G2E3: variants seen among roughly 807,000 people sequenced by gnomAD.
The protein encoded by G2E3 is G2/M-phase specific E3 ubiquitin protein ligase.
In G2E3, 35 loss-of-function variants were observed where a neutral mutation model predicts 92.8. That is an observed-to-expected ratio of 0.38 (90% confidence interval 0.29 to 0.50). The LOEUF is 0.50. Among genes scored for constraint, G2E3 ranks in the 20% least tolerant of loss-of-function variants. The pLI is 0.94. For synonymous variants in G2E3, 242 were observed against 272.4 expected, an observed-to-expected ratio of 0.89 and a Z score of 1.10; for missense variants, 554 against 823.8, an observed-to-expected ratio of 0.67 and a Z score of 4.01.
At chr14:30,596,265 C>T (rs10142125) in intron 6 of G2E3, among the ~76,000 whole-genome samples, 5,565 of 151,960 alleles carry the variant, frequency 0.037, 323 homozygotes, top group African/African-American at 0.12. Flanking sequence ...TTAGTATATT[C>T]TGTGTATCCT....
In G2E3 at chr14:30,566,540, A is replaced by G. The variant is rs939798491; in HGVS notation, c.-5+7268A>G. Among the ~76,000 whole-genome samples, 4 of 152,164 alleles carry G rather than the reference A, an allele frequency of 2.6e-5. No homozygotes were observed. The South Asian group carries it at 6.2e-4, about 24-fold the overall frequency. On this transcript the variant is annotated intron_variant, in intron 1 of 14. Coordinates refer to ENST00000206595, the MANE Select transcript of G2E3 (RefSeq NM_017769.5). ...ACTTAATTTCCTTTTTGGATTGTTC[A>G]TTGTTATATAGAAATACAACTGATA...
chr14:30,600,102 T>C (rs1014025613), intron 8 of G2E3, among the ~76,000 whole-genome samples: 4 of 152,218 alleles, frequency 2.6e-5, no homozygotes, highest in African/African-American at 9.6e-5. Context: ...ATAGGAAATT[T>C]CAATAATTTG....
rs1174896208 is a variant in G2E3 at position 30,601,731 on chromosome 14, A to G, written c.753-39A>G. 3.1e-6 allele frequency: 5 copies of G among 1,611,388 alleles called. No individual in the cohort carries two copies. In the East Asian group the frequency reaches 1.1e-4, roughly 36 times the overall value. On this transcript the variant is annotated intron_variant, in intron 8 of 14. Transcript: ENST00000206595. ...ATTGCTAGTGGTTGAAACTAGAATA[A>G]TAACAAAATGTAAGTTCTGCTTTTC... is the stretch of plus-strand genomic sequence containing the variant.
chr14:30,576,925 C>T (rs1463754773), intron 1 of G2E3, among the ~76,000 whole-genome samples: 1 of 152,022 alleles, frequency 6.6e-6, no homozygotes, highest in Non-Finnish European at 1.5e-5. Context: ...AGATTAGGCA[C>T]TTTAGAAAAT....
chr14:30,606,917 G>C (rs1881856644), intron 11 of G2E3, among the ~76,000 whole-genome samples: 1 of 152,080 alleles, frequency 6.6e-6, no homozygotes, highest in African/African-American at 2.4e-5. Context: ...GTGCCTTTGG[G>C]AAAGATTATT....
At chr14:30,590,511 C>T (rs1880945548) in intron 4 of G2E3, 1 of 364,812 alleles carries the variant, frequency 2.7e-6, no homozygotes, top group African/African-American at 2.1e-5. Flanking sequence ...TGCCCCTGTC[C>T]ATGTCCCACC....
intron 2 of G2E3, among the ~76,000 whole-genome samples, chr14:30,583,735 A>C (rs992627537): frequency 6.6e-6 from 1 of 152,246 alleles, no homozygotes; most frequent in Non-Finnish European, 1.5e-5. Flanking sequence ...CAATATGTAC[A>C]TATATCAAAA....
intron 4 of G2E3, among the ~76,000 whole-genome samples, chr14:30,590,090 A>G (rs1280836839): frequency 6.6e-6 from 1 of 152,132 alleles, no homozygotes; most frequent in African/African-American, 2.4e-5. Flanking sequence ...TGCTGTATGC[A>G]GGGAAACGTC....
chr14:30,593,250 G>A (rs901160684), intron 5 of G2E3, among the ~76,000 whole-genome samples: 2 of 152,058 alleles, frequency 1.3e-5, no homozygotes, highest in Non-Finnish European at 2.9e-5. Flanking sequence ...CTGAAATTCT[G>A]TATAAGTAAG....
intron 6 of G2E3, among the ~76,000 whole-genome samples, chr14:30,596,760 T>C (rs530132811): frequency 6.6e-6 from 1 of 152,374 alleles, no homozygotes; most frequent in Admixed American, 6.5e-5. Flanking sequence ...TGTTTTTTGG[T>C]ACATAATACC....
Position 30,611,861 on chromosome 14 carries a change from A to C in G2E3, c.1501-346A>C, listed in dbSNP as rs948514943. The C allele has an allele frequency of 3.0e-5, 5 of 167,728 alleles. No individual in the cohort carries two copies. In the South Asian group the frequency reaches 7.3e-4, roughly 25 times the overall value. The allele number at this position is 167,728 out of a possible 1,614,324, so 10.4% of individuals were successfully genotyped here. A position where few individuals can be genotyped will look rare whatever the true frequency, so the allele number is the denominator to read the frequency against. ...TAGAGGGGGGCTAGCTGTGTTGCCCAGGATGTTCTTGAACTTCTGGCCTCA... is the reference window on the plus strand; with the variant it reads ...TAGAGGGGGGCTAGCTGTGTTGCCCCGGATGTTCTTGAACTTCTGGCCTCA... On this transcript the variant is annotated intron_variant, in intron 12 of 14. Coordinates refer to ENST00000206595, the MANE Select transcript of G2E3 (RefSeq NM_017769.5).
intron 12 of G2E3, among the ~76,000 whole-genome samples, chr14:30,610,249 TAA>T (rs1373053826): frequency 6.6e-6 from 1 of 152,144 alleles, no homozygotes; most frequent in East Asian, 1.9e-4. Context: ...GAATTTACAT[TAA>T]GAGAGAACAC....
intron 4 of G2E3, among the ~76,000 whole-genome samples, chr14:30,589,939 G>T (rs1414439325): frequency 4.6e-5 from 7 of 152,072 alleles, no homozygotes; most frequent in Non-Finnish European, 1.5e-5. Flanking sequence ...GGCAATTCAT[G>T]ATCTCCATAT....
Position 30,618,279 on chromosome 14 carries a change from A to G in G2E3, c.*1745A>G, listed in dbSNP as rs1481166093. On this transcript the variant is annotated 3_prime_UTR_variant, in exon 15 of 15. Transcript: ENST00000206595. ...CTCACCAATAGTAATTGAAAGATCA[A>G]TTATCAAAGAGTTTGAATAGCTAAT... The G allele has an allele frequency of 2.0e-5, 3 of 152,116 alleles. No individual in the cohort carries two copies. The highest frequency in any genetic ancestry group is 1.3e-4 in the Admixed American group (2 of 15,274). 9.4% of individuals were successfully genotyped at this position (152,116 alleles called of 1,614,324 possible).
At chr14:30,603,454 A>G (rs1881676266) in intron 10 of G2E3, among the ~76,000 whole-genome samples, 1 of 152,216 alleles carries the variant, frequency 6.6e-6, no homozygotes, top group Non-Finnish European at 1.5e-5. Flanking sequence ...TTAAGTTTAT[A>G]TAGATTTGCA....
intron 10 of G2E3, among the ~76,000 whole-genome samples, chr14:30,604,204 A>G (rs183237340): frequency 1.3e-5 from 2 of 152,210 alleles, no homozygotes; most frequent in Non-Finnish European, 2.9e-5. Context: ...AACCTGCTAT[A>G]AAAAAGGTAT....
chr14:30,610,886 A>G (rs1397042906), intron 12 of G2E3, among the ~76,000 whole-genome samples: 1 of 152,232 alleles, frequency 6.6e-6, no homozygotes, highest in Non-Finnish European at 1.5e-5. Flanking sequence ...CCCATTTGCT[A>G]CTGATCTGAC....
chr14:30,589,342 GTT>G (rs754920776), intron 3 of G2E3, 39 bp from the exon 4 acceptor site: 1 of 1,154,642 alleles, frequency 8.7e-7, no homozygotes, highest in Non-Finnish European at 1.3e-6. Flanking sequence ...TGCCCAACTA[GTT>G]TCTTAGAGTT....
At chr14:30,577,438 G>A (rs1391056837) in intron 1 of G2E3, among the ~76,000 whole-genome samples, 1 of 152,112 alleles carries the variant, frequency 6.6e-6, no homozygotes, top group Admixed American at 6.6e-5. Flanking sequence ...AGGGATTTGG[G>A]AGCTGCTTAG....
Sources: gnomAD v4.1 joint callset for allele counts (sites outside exome capture counted in the v4.1 genomes callset) on GRCh38, gnomAD v4.1.1 for gene constraint, MANE v1.5 for transcripts, NCBI Gene and HGNC (gene_info 2026-07-23, HGNC 2026-07-21) for gene names.